SMOC1: variants seen among roughly 807,000 people sequenced by gnomAD.
The protein encoded by SMOC1 is SPARC-related modular calcium-binding protein 1.
In SMOC1, 22 loss-of-function variants were observed where a neutral mutation model predicts 56.3. The ratio of observed to expected loss-of-function variants is 0.39; its 90% CI spans 0.28 to 0.56. The LOEUF is 0.56. Among genes scored for constraint, SMOC1 ranks in the 20% least tolerant of loss-of-function variants. The pLI is 0.61. For missense variants in SMOC1, 509 were observed against 565.4 expected (o/e 0.90, Z 1.01); for synonymous variants, 193 against 215.0 (o/e 0.90, Z 0.89).
chr14:69,944,144 G>A (rs1325616104), intron 1 of SMOC1, among the ~76,000 whole-genome samples: 1 of 152,214 alleles, frequency 6.6e-6, no homozygotes, highest in African/African-American at 2.4e-5. Context: ...TGCCCTCAGG[G>A]AGCTTACAGT....
Position 70,011,466 on chromosome 14 carries a change from C to CCCA in SMOC1, c.858-19_858-18insCCA. The CCCA allele has an allele frequency of 3.2e-6, 5 of 1,561,662 alleles. No individual in the cohort carries two copies. The highest frequency in any genetic ancestry group is 4.4e-6 in the Non-Finnish European group (5 of 1,133,398). ...GTTGCCAGCCCCTCCCAACCCCCCC[C>CCCA]ATATCTCTCTTTTCCCAGCTACGTG... On this transcript the variant is annotated intron_variant, in intron 8 of 11. Coordinates refer to ENST00000361956, the MANE Select transcript of SMOC1 (RefSeq NM_001034852.3).
At chr14:69,912,441 G>A (rs553902896) in intron 1 of SMOC1, among the ~76,000 whole-genome samples, 1 of 152,224 alleles carries the variant, frequency 6.6e-6, no homozygotes, top group East Asian at 1.9e-4. Flanking sequence ...TTGTAGAGCC[G>A]GTGTTTTGCT....
intron 1 of SMOC1, among the ~76,000 whole-genome samples, chr14:69,900,556 A>T (rs1404753300): frequency 6.6e-6 from 1 of 152,172 alleles, no homozygotes; most frequent in African/African-American, 2.4e-5. Flanking sequence ...TCTTATTCTG[A>T]TGACAAAGAC....
intron 10 of SMOC1, among the ~76,000 whole-genome samples, chr14:70,014,257 C>G (rs1293769565): frequency 6.6e-6 from 1 of 152,148 alleles, no homozygotes; most frequent in Non-Finnish European, 1.5e-5. Context: ...TAGATACTTA[C>G]AAAATCTGTG....
intron 3 of SMOC1, among the ~76,000 whole-genome samples, chr14:69,965,586 A>G (rs536852163): frequency 2.6e-5 from 4 of 152,170 alleles, no homozygotes; most frequent in East Asian, 1.9e-4. Flanking sequence ...TCACAGACAG[A>G]ATGTCTGACT....
At position 69,952,780 on chromosome 14, in the gene SMOC1, C is replaced by G. The variant is rs1038257539; in HGVS notation, c.265+477C>G. ...ATTGGAAGGTCTGGTAACATTAGGT[C>G]TGTGTTCCTACAAAGCAACACATGG... On this transcript the variant is annotated intron_variant, in intron 2 of 11. Transcript: ENST00000361956. Among the ~76,000 whole-genome samples the G allele has an allele frequency of 4.6e-5, 7 of 152,320 alleles. No homozygotes were observed. In the South Asian group the frequency reaches 6.2e-4, roughly 14 times the overall value.
intron 3 of SMOC1, among the ~76,000 whole-genome samples, chr14:69,973,084 A>C (rs981477234): frequency 2.0e-5 from 3 of 152,214 alleles, no homozygotes; most frequent in Non-Finnish European, 4.4e-5. Flanking sequence ...GCAGCCTGCC[A>C]GGCTCCATTA....
At chr14:69,902,255 A>G (rs1884261328) in intron 1 of SMOC1, among the ~76,000 whole-genome samples, 1 of 152,258 alleles carries the variant, frequency 6.6e-6, no homozygotes, top group Non-Finnish European at 1.5e-5. Context: ...CACAGAGCAA[A>G]AGAAAGCTGA....
At chr14:69,980,199 A>G (rs1379893496) in intron 5 of SMOC1, among the ~76,000 whole-genome samples, 2 of 152,146 alleles carry the variant, frequency 1.3e-5, no homozygotes, top group Admixed American at 6.5e-5. Flanking sequence ...AAAAGAGGGT[A>G]GAGGAGCCTG....
intron 3 of SMOC1, among the ~76,000 whole-genome samples, chr14:69,961,779 A>G (rs753880380): frequency 2.6e-5 from 4 of 152,200 alleles, no homozygotes; most frequent in Non-Finnish European, 5.9e-5. Flanking sequence ...ACCTAGGAGT[A>G]GAATTGCTAG....
chr14:70,011,520 C>T lies in SMOC1; in HGVS notation c.893C>T (p.Ala298Val). ...VMPSCESDAR[A>V]KTTEADDPFK... ...CCCAGTTGTGAGAGCGACGCCAGGG[C>T]CAAGACTACAGAGGCGGATGACCCC... Residue 298 changes from alanine to valine, a missense_variant, in exon 9 of 12, where the codon GCC becomes GTC. Physicochemically the swap from Ala to Val is moderately conservative, Grantham distance 64. Coordinates refer to ENST00000361956, the MANE Select transcript of SMOC1 (RefSeq NM_001034852.3). 2.5e-6 allele frequency: 4 copies of T among 1,574,382 alleles called. No homozygotes were observed. Among genetic ancestry groups the T allele is most frequent in the Non-Finnish European group, 3.5e-6 (4 of 1,156,548 alleles).
chr14:69,930,318 G>A (rs748207843), intron 1 of SMOC1, among the ~76,000 whole-genome samples: 19 of 146,522 alleles, frequency 1.3e-4, no homozygotes, highest in Admixed American at 1.1e-3. Flanking sequence ...GTCAGCTGCC[G>A]GATCACCTCA....
intron 1 of SMOC1, among the ~76,000 whole-genome samples, chr14:69,896,663 T>G (rs1323338383): frequency 1.3e-5 from 2 of 152,234 alleles, no homozygotes; most frequent in Non-Finnish European, 2.9e-5. Context: ...AGCTCATTTT[T>G]TGTGTGCAAT....
chr14:69,961,481 A>G (rs1262764026), intron 3 of SMOC1, among the ~76,000 whole-genome samples: 1 of 151,484 alleles, frequency 6.6e-6, no homozygotes, highest in African/African-American at 2.4e-5. Flanking sequence ...CCTGGTCTCA[A>G]TTGATCCTCC....
intron 8 of SMOC1, 24 bp from the exon 9 acceptor site, chr14:70,011,458 ACCC>A: frequency 2.6e-6 from 3 of 1,151,788 alleles, no homozygotes; most frequent in South Asian, 1.2e-5. Flanking sequence ...GCCCCTCCCA[ACCC>A]CCCCCATATC....
chr14:69,986,723 C>T (rs553924651), intron 5 of SMOC1, among the ~76,000 whole-genome samples: 7 of 152,322 alleles, frequency 4.6e-5, no homozygotes, highest in South Asian at 4.1e-4. Flanking sequence ...CCCAGTTTGC[C>T]TTTTCCCCAG....
At chr14:69,956,400 G>A (rs1396637488) in intron 3 of SMOC1, among the ~76,000 whole-genome samples, 4 of 151,448 alleles carry the variant, frequency 2.6e-5, no homozygotes, top group East Asian at 3.9e-4. Flanking sequence ...CCAAAATGCC[G>A]GGAGATGAAT....
intron 1 of SMOC1, among the ~76,000 whole-genome samples, chr14:69,894,795 A>C (rs1010729610): frequency 1.3e-5 from 2 of 152,178 alleles, no homozygotes; most frequent in Non-Finnish European, 2.9e-5. Flanking sequence ...CAAGAGTTGG[A>C]GCTGACAGGA....
intron 1 of SMOC1, among the ~76,000 whole-genome samples, chr14:69,918,238 T>A (rs184869296): frequency 0.02 from 3,053 of 150,252 alleles, 42 homozygotes; most frequent in Non-Finnish European, 0.025. Flanking sequence ...ATATATATAT[T>A]TTTTTTTTGA....
Sources: gnomAD v4.1 joint callset for allele counts (sites outside exome capture counted in the v4.1 genomes callset) on GRCh38, gnomAD v4.1.1 for gene constraint, MANE v1.5 for transcripts, NCBI Gene and HGNC (gene_info 2026-07-23, HGNC 2026-07-21) for gene names.